RBFOX1: variants seen among roughly 807,000 people sequenced by gnomAD.
RBFOX1 encodes RNA binding protein fox-1 homolog 1.
A neutral mutation model predicts 57.7 loss-of-function variants in RBFOX1; 8 were observed. That is an observed-to-expected ratio of 0.14 (90% confidence interval 0.08 to 0.25). The LOEUF (loss-of-function observed/expected upper bound fraction) is 0.25. RBFOX1 is among the 10% of genes least tolerant of loss of function. The pLI, the probability that RBFOX1 is intolerant of heterozygous loss-of-function variation, is 1.00. For synonymous variants in RBFOX1, 326 were observed against 222.4 expected, an observed-to-expected ratio of 1.47 and a Z score of -4.15; for missense variants, 611 against 548.5, an observed-to-expected ratio of 1.11 and a Z score of -1.14.
intron 1 of RBFOX1, among the ~76,000 whole-genome samples, chr16:6,092,056 A>T (rs1485167807): frequency 6.6e-6 from 1 of 152,144 alleles, no homozygotes; most frequent in East Asian, 1.9e-4. Context: ...CCTTGAAGAC[A>T]TACTTAAGAG....
intron 2 of RBFOX1, among the ~76,000 whole-genome samples, chr16:6,640,184 A>ATT (rs2098475616): frequency 6.6e-6 from 1 of 152,030 alleles, no homozygotes; most frequent in Admixed American, 6.5e-5. Flanking sequence ...AGCTTATTGA[A>ATT]TTTTCTCTCA....
At chr16:7,161,397 A>G (rs761188853) in intron 4 of RBFOX1, among the ~76,000 whole-genome samples, 2 of 152,230 alleles carry the variant, frequency 1.3e-5, no homozygotes, top group African/African-American at 4.8e-5. Context: ...CTAAATACAC[A>G]TTATACCTAA....
chr16:6,945,827 G>C (rs1323808499), intron 3 of RBFOX1, among the ~76,000 whole-genome samples: 5 of 152,186 alleles, frequency 3.3e-5, no homozygotes, highest in Non-Finnish European at 7.3e-5. Context: ...GGAGGCGGAG[G>C]TTGCAGTGTG....
chr16:7,629,858 G>T (rs1472885009), intron 10 of RBFOX1, among the ~76,000 whole-genome samples: 1 of 152,234 alleles, frequency 6.6e-6, no homozygotes, highest in African/African-American at 2.4e-5. Flanking sequence ...AGCCTTTCTG[G>T]CTGGAAGGCA....
chr16:7,424,927 C>G (rs1333585324), intron 4 of RBFOX1, among the ~76,000 whole-genome samples: 1 of 151,724 alleles, frequency 6.6e-6, no homozygotes, highest in Non-Finnish European at 1.5e-5. Flanking sequence ...AATTATATTC[C>G]AAAGGTGATA....
intron 1 of RBFOX1, among the ~76,000 whole-genome samples, chr16:6,295,064 A>G (rs1390700666): frequency 6.7e-6 from 1 of 149,356 alleles, no homozygotes. Context: ...TCTCTCCTCC[A>G]AGTCCATTTC....
intron 3 of RBFOX1, among the ~76,000 whole-genome samples, chr16:5,815,156 A>ATTTTTTTTT (rs71142650): frequency 1.3e-4 from 15 of 114,222 alleles, no homozygotes; most frequent in African/African-American, 3.5e-4. Context: ...ATTTAATTTA[A>ATTTTTTTTT]TTTTTTTTTT....
intron 3 of RBFOX1, among the ~76,000 whole-genome samples, chr16:6,857,926 T>G (rs970373691): frequency 6.6e-6 from 1 of 152,208 alleles, no homozygotes; most frequent in Non-Finnish European, 1.5e-5. Context: ...GCATTTACTT[T>G]ATTTTATTTT....
intron 4 of RBFOX1, among the ~76,000 whole-genome samples, chr16:5,890,969 T>C (rs1301462134): frequency 7.2e-5 from 11 of 152,330 alleles, no homozygotes; most frequent in African/African-American, 2.6e-4. Context: ...AATTTCTCAG[T>C]CTGTGAAATG....
chr16:7,106,948 A>G lies in RBFOX1; in HGVS notation c.27+54850A>G, dbSNP rs555098134. ...AGGACATGGACACGTCCCTAATCCTACGAAGCTTGCATTCCCATGTAAGCC... is the reference window on the plus strand; with the variant it reads ...AGGACATGGACACGTCCCTAATCCTGCGAAGCTTGCATTCCCATGTAAGCC... On this transcript the variant is annotated intron_variant, in intron 4 of 15. Transcript: ENST00000550418. 1.1e-4 allele frequency among the ~76,000 whole-genome samples: 16 copies of G among 139,466 alleles called. No individual in the cohort carries two copies. In the South Asian group the frequency reaches 4.3e-3, roughly 38 times the overall value. 91.5% of individuals were successfully genotyped at this position (139,466 alleles called of 152,430 possible).
At chr16:6,969,879 A>T (rs186022792) in intron 3 of RBFOX1, among the ~76,000 whole-genome samples, 14 of 152,314 alleles carry the variant, frequency 9.2e-5, no homozygotes, top group Non-Finnish European at 1.8e-4. Flanking sequence ...ATTGATGGGT[A>T]TGCAATGTTG....
chr16:6,535,862 T>C lies in RBFOX1; in HGVS notation c.-63-118741T>C, dbSNP rs912324989. ...GTTCTCTTTTTCTCAATAGTGGCAATGTAGATTTTTTAAAGTTTATTTTTC... is the reference window on the plus strand; with the variant it reads ...GTTCTCTTTTTCTCAATAGTGGCAACGTAGATTTTTTAAAGTTTATTTTTC... On this transcript the variant is annotated intron_variant, in intron 2 of 15. Coordinates refer to ENST00000550418, the MANE Select transcript of RBFOX1 (RefSeq NM_018723.4). Among the ~76,000 whole-genome samples the C allele has an allele frequency of 4.6e-5, 7 of 152,208 alleles. No homozygotes were observed. The East Asian group carries it at 5.8e-4, about 13-fold the overall frequency.
At chr16:6,706,556 T>G (rs1411479937) in intron 3 of RBFOX1, among the ~76,000 whole-genome samples, 8 of 152,140 alleles carry the variant, frequency 5.3e-5, no homozygotes, top group Non-Finnish European at 2.9e-5. Flanking sequence ...ACAAAACAGA[T>G]TTACCTGTTT....
intron 3 of RBFOX1, among the ~76,000 whole-genome samples, chr16:5,617,240 C>T (rs529493847): frequency 6.6e-6 from 1 of 152,328 alleles, no homozygotes; most frequent in African/African-American, 2.4e-5. Context: ...ACATGGCATT[C>T]CTCTAACTTC....
intron 1 of RBFOX1, among the ~76,000 whole-genome samples, chr16:6,231,231 T>TAG (rs1385472279): frequency 2.2e-5 from 2 of 89,404 alleles, no homozygotes; most frequent in East Asian, 8.4e-4. Context: ...TGTGTGTGTG[T>TAG]GTGTGTAGGT....
chr16:5,897,720 C>T (rs548984615), intron 4 of RBFOX1, among the ~76,000 whole-genome samples: 1 of 152,140 alleles, frequency 6.6e-6, no homozygotes, highest in Non-Finnish European at 1.5e-5. Context: ...GTTTGAAAGA[C>T]CTGACTGGTG....
At chr16:6,558,981 C>G (rs951343400) in intron 2 of RBFOX1, among the ~76,000 whole-genome samples, 1 of 152,060 alleles carries the variant, frequency 6.6e-6, no homozygotes, top group Non-Finnish European at 1.5e-5. Flanking sequence ...TCAAAAATGC[C>G]GCTTCCTCCA....
chr16:7,693,663 C>T (rs982046802), intron 14 of RBFOX1, among the ~76,000 whole-genome samples: 5 of 152,004 alleles, frequency 3.3e-5, no homozygotes, highest in African/African-American at 7.2e-5. Context: ...AATCAGTGCT[C>T]TTATGGTAAA....
chr16:5,816,806 G>C (rs1351804786), intron 3 of RBFOX1, among the ~76,000 whole-genome samples: 1 of 152,036 alleles, frequency 6.6e-6, no homozygotes, highest in Non-Finnish European at 1.5e-5. Flanking sequence ...TATAGCCCTA[G>C]ATCTAGGCTG....
Sources: gnomAD v4.1 joint callset for allele counts (sites outside exome capture counted in the v4.1 genomes callset) on GRCh38, gnomAD v4.1.1 for gene constraint, MANE v1.5 for transcripts, NCBI Gene and HGNC (gene_info 2026-07-23, HGNC 2026-07-21) for gene names.